STXBP6: variants seen among roughly 807,000 people sequenced by gnomAD.
STXBP6 encodes syntaxin binding protein 6.
Under a neutral mutation model 26.9 loss-of-function variants are expected in STXBP6, and 21 were observed. The ratio of observed to expected loss-of-function variants is 0.78; its 90% CI spans 0.55 to 1.12. The LOEUF is 1.12. Among genes scored for constraint, STXBP6 ranks in the 50% most tolerant of loss-of-function variants. The probability of loss-of-function intolerance (pLI) is 0.00; values close to 1 mark genes in which losing one functional copy is unlikely to be tolerated. For synonymous variants in STXBP6, 97 were observed against 92.6 expected, an observed-to-expected ratio of 1.05 and a Z score of -0.27; for missense variants, 232 against 257.9, an observed-to-expected ratio of 0.90 and a Z score of 0.69.
At chr14:24,976,520 T>C (rs183827789) in intron 1 of STXBP6, among the ~76,000 whole-genome samples, 1 of 152,320 alleles carries the variant, frequency 6.6e-6, no homozygotes, top group East Asian at 1.9e-4. Flanking sequence ...AGGTTCTTCA[T>C]GCTGGCCAAG....
At chr14:24,897,485 T>C (rs918841996) in intron 2 of STXBP6, among the ~76,000 whole-genome samples, 1 of 150,270 alleles carries the variant, frequency 6.7e-6, no homozygotes, top group Non-Finnish European at 1.5e-5. Flanking sequence ...GCAAAATCTA[T>C]CATGAAATGA....
At position 24,907,359 on chromosome 14, in the gene STXBP6, T is replaced by C. The variant is rs540958589; in HGVS notation, c.155-50202A>G. On this transcript the variant is annotated intron_variant, in intron 2 of 5. Transcript: ENST00000323944. ...CAGGTATGAAATTTTTATTTAGAAA[T>C]TTATAAAAGGGGAAATTGCTTCCAT... Among the ~76,000 whole-genome samples, 139 of 152,260 alleles carry C rather than the reference T, an allele frequency of 9.1e-4. 1 individual carries two copies. Among genetic ancestry groups the C allele is most frequent in the Non-Finnish European group, 1.4e-3 (94 of 68,010 alleles).
At chr14:24,880,489 G>A (rs1263410836) in intron 2 of STXBP6, among the ~76,000 whole-genome samples, 1 of 152,088 alleles carries the variant, frequency 6.6e-6, no homozygotes, top group Non-Finnish European at 1.5e-5. Context: ...GGATGGGGAG[G>A]GTCATAACCA....
chr14:24,905,882 T>C (rs1356884493), intron 2 of STXBP6, among the ~76,000 whole-genome samples: 2 of 152,168 alleles, frequency 1.3e-5, no homozygotes, highest in Non-Finnish European at 2.9e-5. Context: ...TTTTACAGAA[T>C]ATGGTGTCAA....
intron 2 of STXBP6, among the ~76,000 whole-genome samples, chr14:24,940,135 C>T (rs1363460841): frequency 1.3e-5 from 2 of 152,208 alleles, no homozygotes; most frequent in African/African-American, 4.8e-5. Flanking sequence ...TGGAGAGGAA[C>T]TTGCCTGTCC....
At chr14:24,848,180 C>G (rs1383702570) in intron 4 of STXBP6, among the ~76,000 whole-genome samples, 4 of 152,130 alleles carry the variant, frequency 2.6e-5, no homozygotes, top group African/African-American at 9.7e-5. Flanking sequence ...TAGGCATGTA[C>G]TGGCATTTTT....
chr14:24,951,393 C>CA lies in STXBP6; in HGVS notation c.154+23271_154+23272insT, dbSNP rs61564839. Among the ~76,000 whole-genome samples the CA allele has an allele frequency of 1.6e-3, 238 of 152,238 alleles. 1 individual carries two copies. The highest frequency in any genetic ancestry group is 5.2e-3 in the African/African-American group (215 of 41,554). The stretch of plus-strand genomic sequence containing the variant: ...CGTTCCTATTTCTCCACATCCTCTC[C>CA]GGACTTTTTAATGAGCGTCATTCTA... On this transcript the variant is annotated intron_variant, in intron 2 of 5. Transcript: ENST00000323944.
At chr14:25,017,462 G>A (rs1375252983) in intron 1 of STXBP6, among the ~76,000 whole-genome samples, 1 of 152,234 alleles carries the variant, frequency 6.6e-6, no homozygotes, top group Non-Finnish European at 1.5e-5. Flanking sequence ...CTCAGAGGCA[G>A]AGGAAGTATA....
At chr14:24,895,367 T>C (rs991864681) in intron 2 of STXBP6, among the ~76,000 whole-genome samples, 3 of 152,234 alleles carry the variant, frequency 2.0e-5, no homozygotes, top group Non-Finnish European at 4.4e-5. Context: ...TGTGCTTACA[T>C]TCTATCTAGA....
chr14:24,945,954 C>T (rs900965081), intron 2 of STXBP6, among the ~76,000 whole-genome samples: 18 of 152,144 alleles, frequency 1.2e-4, no homozygotes, highest in East Asian at 1.2e-3. Context: ...TGATGTGGAT[C>T]GATTAAAGAA....
intron 1 of STXBP6, among the ~76,000 whole-genome samples, chr14:24,976,713 T>A (rs1025308412): frequency 6.6e-6 from 1 of 152,114 alleles, no homozygotes; most frequent in African/African-American, 2.4e-5. Context: ...CACATACTGG[T>A]TATTTTCTAG....
intron 2 of STXBP6, among the ~76,000 whole-genome samples, chr14:24,972,443 T>C (rs2073931816): frequency 6.6e-6 from 1 of 152,232 alleles, no homozygotes; most frequent in African/African-American, 2.4e-5. Context: ...ATGCCTAAAA[T>C]GCAAACAACT....
At chr14:24,879,379 G>T (rs1393021518) in intron 2 of STXBP6, among the ~76,000 whole-genome samples, 1 of 152,128 alleles carries the variant, frequency 6.6e-6, no homozygotes, top group African/African-American at 2.4e-5. Flanking sequence ...GTACCCCAAA[G>T]CTTTTCCGGT....
chr14:24,917,343 G>T (rs1028691535), intron 2 of STXBP6, among the ~76,000 whole-genome samples: 3 of 152,058 alleles, frequency 2.0e-5, no homozygotes, highest in Admixed American at 2.0e-4. Flanking sequence ...CAACGCACGT[G>T]GGGACAGAAG....
At chr14:25,030,628 C>A (rs906640316) in intron 1 of STXBP6, among the ~76,000 whole-genome samples, 3 of 152,162 alleles carry the variant, frequency 2.0e-5, no homozygotes, top group African/African-American at 7.2e-5. Context: ...TGGTAGCTCA[C>A]AGATCACCAG....
At chr14:24,984,189 G>GCA (rs2140251779) in intron 1 of STXBP6, among the ~76,000 whole-genome samples, 1 of 152,230 alleles carries the variant, frequency 6.6e-6, no homozygotes, top group South Asian at 2.1e-4. Context: ...CCGAGATCGT[G>GCA]CGACTGCACT....
chr14:24,940,906 C>T (rs1323168661), intron 2 of STXBP6, among the ~76,000 whole-genome samples: 1 of 152,100 alleles, frequency 6.6e-6, no homozygotes, highest in African/African-American at 2.4e-5. Flanking sequence ...ATCCTAGCTA[C>T]TTGGGAGGCA....
At chr14:24,889,284 A>C (rs1422257899) in intron 2 of STXBP6, among the ~76,000 whole-genome samples, 1 of 151,776 alleles carries the variant, frequency 6.6e-6, no homozygotes, top group East Asian at 1.9e-4. Flanking sequence ...GGCAGGGGGA[A>C]GAAAACTTAA....
intron 1 of STXBP6, among the ~76,000 whole-genome samples, chr14:24,992,847 T>G (rs1204052195): frequency 6.6e-6 from 1 of 152,226 alleles, no homozygotes; most frequent in Non-Finnish European, 1.5e-5. Flanking sequence ...ATGAGTATGA[T>G]AACAGAAGCA....
Sources: gnomAD v4.1 joint callset for allele counts (sites outside exome capture counted in the v4.1 genomes callset) on GRCh38, gnomAD v4.1.1 for gene constraint, MANE v1.5 for transcripts, NCBI Gene and HGNC (gene_info 2026-07-23, HGNC 2026-07-21) for gene names.